PRKCD: variants seen among roughly 807,000 people sequenced by gnomAD.
PRKCD encodes protein kinase C delta.
In PRKCD, 20 loss-of-function variants were observed where a neutral mutation model predicts 82.2. The observed-to-expected ratio is 0.24, with a 90% confidence interval of 0.17 to 0.35. The LOEUF is 0.35. Among genes scored for constraint, PRKCD ranks in the 10% least tolerant of loss-of-function variants. The probability of loss-of-function intolerance (pLI) is 1.00; values close to 1 mark genes in which losing one functional copy is unlikely to be tolerated. For synonymous variants in PRKCD, 317 were observed against 337.0 expected (o/e 0.94, Z 0.65); for missense variants, 607 against 899.0 (o/e 0.68, Z 4.15).
At chr3:53,168,002 G>A (rs946716229) in intron 2 of PRKCD, among the ~76,000 whole-genome samples, 16 of 152,370 alleles carry the variant, frequency 1.1e-4, no homozygotes, top group African/African-American at 2.6e-4. Flanking sequence ...AATAGATCTC[G>A]TGACAAATGG....
chr3:53,190,044 C>G (rs1553670521), intron 18 of PRKCD, 43 bp downstream of exon 18: 1 of 1,610,312 alleles, frequency 6.2e-7, no homozygotes, highest in African/African-American at 1.3e-5. Flanking sequence ...TGAGCTACTC[C>G]TCTCCTGCCC....
At chr3:53,174,616 G>A (rs1703155133) in intron 2 of PRKCD, among the ~76,000 whole-genome samples, 1 of 152,218 alleles carries the variant, frequency 6.6e-6, no homozygotes, top group African/African-American at 2.4e-5. Context: ...GCAGGGACTT[G>A]TGGCTCAGAG....
At chr3:53,189,838 C>T (rs374182760) in intron 17 of PRKCD, 35 bp from the exon 18 acceptor site, 7 of 1,613,410 alleles carry the variant, frequency 4.3e-6, no homozygotes, top group Non-Finnish European at 5.9e-6. Context: ...TCCCATGGCC[C>T]TTGGGTGCTA....
chr3:53,178,587 C>T, intron 3 of PRKCD, 50 bp downstream of exon 3: 1 of 1,497,046 alleles, frequency 6.7e-7, no homozygotes, highest in Non-Finnish European at 9.2e-7. Flanking sequence ...CTGGGCCCAG[C>T]TGGAAGGACT....
intron 3 of PRKCD, 180 bp from the exon 4 acceptor site, chr3:53,179,397 T>C (rs1053082102): frequency 1.0e-5 from 8 of 788,422 alleles, no homozygotes; most frequent in Non-Finnish European, 1.8e-5. Flanking sequence ...AACAAAGGCC[T>C]GGAGGGAGGA....
At chr3:53,188,636 A>G in intron 15 of PRKCD, 84 bp from the exon 16 acceptor site, 4 of 1,558,118 alleles carry the variant, frequency 2.6e-6, no homozygotes, top group Non-Finnish European at 3.5e-6. Flanking sequence ...CTGGACTAAT[A>G]CGGCTGAAAA....
At chr3:53,171,414 G>A (rs1376834082) in intron 2 of PRKCD, among the ~76,000 whole-genome samples, 1 of 152,198 alleles carries the variant, frequency 6.6e-6, no homozygotes, top group Non-Finnish European at 1.5e-5. Context: ...GGCAGGGCAG[G>A]CCATTATGCT....
intron 2 of PRKCD, among the ~76,000 whole-genome samples, chr3:53,175,157 C>T (rs1204679061): frequency 2.0e-5 from 3 of 152,124 alleles, no homozygotes; most frequent in African/African-American, 4.8e-5. Context: ...CCTGGCTGGC[C>T]GGTGTTGGAG....
intron 2 of PRKCD, among the ~76,000 whole-genome samples, chr3:53,176,823 GT>G (rs1253129231): frequency 6.6e-6 from 1 of 152,044 alleles, no homozygotes; most frequent in Non-Finnish European, 1.5e-5. Context: ...TACAGTTTGG[GT>G]TTTTTTTAAT....
In PRKCD at chr3:53,192,284, G is replaced by C. The variant is rs979804467; in HGVS notation, c.*18G>C. The C allele has an allele frequency of 5.0e-6, 8 of 1,612,914 alleles. No individual in the cohort carries two copies. Among genetic ancestry groups the C allele is most frequent in the Non-Finnish European group, 6.8e-6 (8 of 1,179,194 alleles). On this transcript the variant is annotated 3_prime_UTR_variant, in exon 19 of 19. Coordinates refer to ENST00000330452, the MANE Select transcript of PRKCD (RefSeq NM_006254.4). ...AAGATTGAGGTTCCTGGACAGATCA[G>C]GCTAGCCCTGCCCTCCACCCACACC... is the stretch of plus-strand genomic sequence containing the variant.
rs1703647874 is a variant in PRKCD, at chr3:53,185,640, C to G, written c.925C>G (p.Pro309Ala). The change falls in exon 11 of 19, where the codon CCT becomes GCT. Residue 309 changes from proline to alanine, a missense_variant. This residue lies in a region of PRKCD where 85 missense variants were observed against 76.1 expected (regional missense o/e 1.12). Transcript: ENST00000330452. ...GAGATCAGACTCAGCCTCCTCAGAG[C>G]CTGTTGGGATATATCAGGGTTTCGA... ...SRRSDSASSE[P>A]VGIYQGFEKK... 5 of 1,613,204 alleles carry G rather than the reference C, an allele frequency of 3.1e-6. No individual in the cohort carries two copies. In the African/African-American group the frequency reaches 5.3e-5, roughly 17 times the overall value.
rs530563691 is a variant in PRKCD at position 53,164,505 on chromosome 3, A to T, written c.-131-599A>T. On this transcript the variant is annotated intron_variant, in intron 1 of 18. Transcript: ENST00000330452. ...GGCTGAGGCACGAGAATCACTTGAG[A>T]CCAGGAGGCAGAGGTTGCAGTGAGC... is the stretch of plus-strand genomic sequence containing the variant. 5.3e-5 allele frequency among the ~76,000 whole-genome samples: 8 copies of T among 152,084 alleles called. No individual in the cohort carries two copies. The South Asian group carries it at 1.7e-3, about 32-fold the overall frequency.
intron 1 of PRKCD, among the ~76,000 whole-genome samples, chr3:53,162,504 TG>T (rs1252327581): frequency 6.6e-6 from 1 of 152,284 alleles, no homozygotes; most frequent in African/African-American, 2.4e-5. Flanking sequence ...TCTGGGTGTG[TG>T]GGTATGTTGT....
At chr3:53,174,552 T>C (rs1353925225) in intron 2 of PRKCD, among the ~76,000 whole-genome samples, 2 of 152,178 alleles carry the variant, frequency 1.3e-5, no homozygotes. Flanking sequence ...CACCCCCATC[T>C]CCCTGCCATA....
intron 2 of PRKCD, among the ~76,000 whole-genome samples, chr3:53,172,659 C>T (rs1412593891): frequency 2.0e-5 from 3 of 152,224 alleles, no homozygotes; most frequent in African/African-American, 7.2e-5. Context: ...CCCCTGCTCC[C>T]CGGGGGTCTG....
intron 2 of PRKCD, among the ~76,000 whole-genome samples, chr3:53,173,001 G>A (rs1703091437): frequency 6.6e-6 from 1 of 152,240 alleles, no homozygotes; most frequent in Admixed American, 6.5e-5. Flanking sequence ...TCTGTACAAT[G>A]AGGAGATGGG....
chr3:53,170,640 AGCCTAG>A, intron 2 of PRKCD, among the ~76,000 whole-genome samples: 2 of 152,238 alleles, frequency 1.3e-5, no homozygotes, highest in African/African-American at 4.8e-5. Flanking sequence ...GGAAAGGCCC[AGCCTAG>A]CCTGACACCA....
intron 17 of PRKCD, 81 bp from the exon 18 acceptor site, chr3:53,189,792 C>A: frequency 1.9e-6 from 3 of 1,591,858 alleles, no homozygotes; most frequent in Non-Finnish European, 2.6e-6. Context: ...GGCTTTGCAT[C>A]CCTGGGCCTG....
chr3:53,190,045 T>C lies in PRKCD; in HGVS notation c.1872+44T>C, dbSNP rs782116661. On this transcript the variant is annotated intron_variant, in intron 18 of 18. Coordinates refer to ENST00000330452, the MANE Select transcript of PRKCD (RefSeq NM_006254.4). The stretch of plus-strand genomic sequence containing the variant: ...TGCTGCCTTCAGGCTGAGCTACTCC[T>C]CTCCTGCCCTCCCTCTCTCCTGCAT... 9.3e-6 allele frequency: 15 copies of C among 1,610,340 alleles called. No homozygotes were observed. The South Asian group carries it at 1.5e-4, about 17-fold the overall frequency.
Sources: allele counts gnomAD v4.1 joint callset (sites outside exome capture counted in the v4.1 genomes callset), GRCh38; gene constraint gnomAD v4.1.1; regional missense constraint gnomAD v4.1.1; transcripts MANE v1.5; gene names NCBI Gene and HGNC (gene_info 2026-07-23, HGNC 2026-07-21).